Variants in RGS7 observed in about 807,000 individuals in gnomAD.
RGS7 encodes regulator of G protein signaling 7.
RGS7 carries 27 observed loss-of-function variants against 81.1 expected under a neutral mutation model. That is an observed-to-expected ratio of 0.33 (90% confidence interval 0.25 to 0.46). The LOEUF (loss-of-function observed/expected upper bound fraction) is 0.46. RGS7 is among the 20% of genes least tolerant of loss of function. The pLI, the probability that RGS7 is intolerant of heterozygous loss-of-function variation, is 1.00. For synonymous variants in RGS7, 208 were observed against 207.7 expected (o/e 1.00, Z -0.01); for missense variants, 396 against 607.4 (o/e 0.65, Z 3.66).
intron 2 of RGS7, among the ~76,000 whole-genome samples, chr1:241,130,523 T>G (rs1277665673): frequency 6.6e-6 from 1 of 152,078 alleles, no homozygotes; most frequent in East Asian, 1.9e-4. Context: ...ATCCTTTAGG[T>G]AGCTTTCAAT....
At chr1:240,931,568 C>A (rs1275638624) in intron 5 of RGS7, among the ~76,000 whole-genome samples, 3 of 151,506 alleles carry the variant, frequency 2.0e-5, no homozygotes, top group Non-Finnish European at 4.4e-5. Context: ...CTATTATGTA[C>A]CCACAAAAAT....
chr1:241,354,798 TAAC>T, intron 2 of RGS7, among the ~76,000 whole-genome samples: 1 of 152,288 alleles, frequency 6.6e-6, no homozygotes, highest in Non-Finnish European at 1.5e-5. Flanking sequence ...TTGTTAGTGT[TAAC>T]TAAAGAAATA....
intron 3 of RGS7, among the ~76,000 whole-genome samples, chr1:241,059,730 T>C (rs1487318987): frequency 1.3e-5 from 2 of 152,166 alleles, no homozygotes; most frequent in African/African-American, 4.8e-5. Context: ...CTACCTGTGG[T>C]TGATTGGTCC....
At chr1:241,064,871 T>C (rs903293647) in intron 3 of RGS7, among the ~76,000 whole-genome samples, 1 of 152,138 alleles carries the variant, frequency 6.6e-6, no homozygotes, top group Non-Finnish European at 1.5e-5. Context: ...TTCTCTCCAA[T>C]AGAAACACCT....
At chr1:240,821,702 T>C (rs1012377928) in intron 10 of RGS7, among the ~76,000 whole-genome samples, 10 of 152,356 alleles carry the variant, frequency 6.6e-5, no homozygotes, top group African/African-American at 2.4e-4. Flanking sequence ...CAGCTAATTA[T>C]ACATTTGCTG....
Position 240,812,058 on chromosome 1 carries a change from A to G in RGS7, c.957-15T>C, listed in dbSNP as rs186362534. On this transcript the variant is annotated splice_polypyrimidine_tract_variant and intron_variant, in intron 13 of 18. Coordinates refer to ENST00000440928, the MANE Select transcript of RGS7 (RefSeq NM_001364886.1). ...TCGGTTCTTTGCTATAGAAGATAAA[A>G]CAAAGGCAAATACATTCCTTTCATT... 472 of 1,614,108 alleles carry G rather than the reference A, an allele frequency of 2.9e-4. 2 individuals carry two copies. The East Asian group carries it at 3.7e-3, about 12-fold the overall frequency.
intron 2 of RGS7, among the ~76,000 whole-genome samples, chr1:241,126,575 C>A (rs1167448079): frequency 6.6e-6 from 1 of 152,200 alleles, no homozygotes. Context: ...AGTTACTCAG[C>A]ATTTTGTTGC....
In RGS7 at chr1:241,299,976, G is replaced by GTGA; in HGVS notation, c.78+55720_78+55722dup. Among the ~76,000 whole-genome samples the GTGA allele has an allele frequency of 2.0e-5, 3 of 149,702 alleles. 1 individual carries two copies. In the East Asian group the frequency reaches 5.9e-4, roughly 29 times the overall value. On this transcript the variant is annotated intron_variant, in intron 2 of 18. Transcript: ENST00000440928. ...AAAAAAAAGTAAAAATTAGCCAGGA[G>GTGA]TGATGGTACACACTTGTAATACCAG...
chr1:241,169,041 C>T (rs2070503512), intron 2 of RGS7, among the ~76,000 whole-genome samples: 1 of 152,026 alleles, frequency 6.6e-6, no homozygotes, highest in East Asian at 1.9e-4. Context: ...ATAAACTGTC[C>T]CCAGACTCCT....
At chr1:241,259,667 A>AAAAAAAAAAAAT in intron 2 of RGS7, among the ~76,000 whole-genome samples, 25 of 49,138 alleles carry the variant, frequency 5.1e-4, no homozygotes, top group African/African-American at 1.3e-3. Flanking sequence ...AAAAAAAAAA[A>AAAAAAAAAAAAT]ATATATATAT....
At chr1:241,178,011 G>T (rs1187684550) in intron 2 of RGS7, among the ~76,000 whole-genome samples, 1 of 152,182 alleles carries the variant, frequency 6.6e-6, no homozygotes, top group Admixed American at 6.5e-5. Flanking sequence ...GACAGGAAAG[G>T]CACAGTGGCT....
At chr1:241,011,415 A>C (rs2058950376) in intron 3 of RGS7, among the ~76,000 whole-genome samples, 2 of 152,178 alleles carry the variant, frequency 1.3e-5, no homozygotes, top group Admixed American at 1.3e-4. Context: ...AAGATGAAAG[A>C]GATCCAGAAA....
chr1:240,792,896 T>TTTG (rs758420412), intron 18 of RGS7, among the ~76,000 whole-genome samples: 2 of 152,108 alleles, frequency 1.3e-5, no homozygotes, highest in Non-Finnish European at 2.9e-5. Context: ...CAATAACTGT[T>TTTG]TTGTTGTTGT....
chr1:241,277,803 G>A (rs1489787190), intron 2 of RGS7, among the ~76,000 whole-genome samples: 1 of 152,132 alleles, frequency 6.6e-6, no homozygotes, highest in African/African-American at 2.4e-5. Context: ...GTTTAGTAGA[G>A]GTCTAGTAGC....
intron 2 of RGS7, among the ~76,000 whole-genome samples, chr1:241,253,366 C>T (rs1366567582): frequency 4.6e-5 from 7 of 152,130 alleles, no homozygotes; most frequent in African/African-American, 7.2e-5. Context: ...TTTTATTCTA[C>T]GTAGTTTGCT....
chr1:240,848,627 C>G (rs909496798), intron 9 of RGS7, among the ~76,000 whole-genome samples: 1 of 64,988 alleles, frequency 1.5e-5, no homozygotes, highest in African/African-American at 8.9e-5. Flanking sequence ...TCATTTATAA[C>G]GAGAGGTTTT....
chr1:241,156,132 T>TGATAGATAGATAGATA (rs72097170), intron 2 of RGS7, among the ~76,000 whole-genome samples: 34 of 147,020 alleles, frequency 2.3e-4, no homozygotes, highest in African/African-American at 7.7e-4. Context: ...AGATAAATGA[T>TGATAGATAGATAGATA]GATAGATAGA....
At chr1:241,329,564 G>A (rs973283977) in intron 2 of RGS7, among the ~76,000 whole-genome samples, 2 of 152,186 alleles carry the variant, frequency 1.3e-5, no homozygotes, top group South Asian at 2.1e-4. Flanking sequence ...GCAATGAAGC[G>A]CTAATCCTCT....
chr1:241,221,386 T>C lies in RGS7; in HGVS notation c.79-122624A>G, dbSNP rs78638121. ...CGAGATGCTCACCCACCTGTTTCCT[T>C]TCTTCCTGAGCATGTGCCTGAACAT... On this transcript the variant is annotated intron_variant, in intron 2 of 18. Transcript: ENST00000440928. 6.2e-3 allele frequency among the ~76,000 whole-genome samples: 941 copies of C among 152,314 alleles called. 12 individuals are homozygous for C. Among genetic ancestry groups the C allele is most frequent in the African/African-American group, 0.022 (899 of 41,568 alleles).
Sources: allele counts gnomAD v4.1 joint callset (sites outside exome capture counted in the v4.1 genomes callset), GRCh38; gene constraint gnomAD v4.1.1; transcripts MANE v1.5; gene names NCBI Gene and HGNC (gene_info 2026-07-23, HGNC 2026-07-21).